Variants in PPARGC1A observed in about 807,000 individuals in gnomAD.
PPARGC1A encodes the protein PPARG coactivator 1 alpha.
Under a neutral mutation model 88.7 loss-of-function variants are expected in PPARGC1A, and 25 were observed. The observed-to-expected ratio is 0.28, with a 90% CI of 0.21 to 0.39. The LOEUF is 0.39. PPARGC1A is among the 10% of genes least tolerant of loss of function. PPARGC1A has a pLI of 1.00. For synonymous variants in PPARGC1A, 363 were observed against 355.6 expected (o/e 1.02, Z -0.24); for missense variants, 880 against 968.7 (o/e 0.91, Z 1.22).
chr4:24,272,431 TC>T, the PPARGC1A span, among the ~76,000 whole-genome samples: 1 of 152,028 alleles, frequency 6.6e-6, no homozygotes, highest in Non-Finnish European at 1.5e-5. Flanking sequence ...GCCATGAAAT[TC>T]CCAACTCCAC....
At chr4:24,077,281 T>G in the PPARGC1A span, among the ~76,000 whole-genome samples, 7 of 152,150 alleles carry the variant, frequency 4.6e-5, no homozygotes, top group Admixed American at 3.3e-4. Flanking sequence ...TCAAGGCACA[T>G]CTCGTTTAGT....
chr4:24,469,583 G>A, the PPARGC1A span, among the ~76,000 whole-genome samples: 3 of 152,130 alleles, frequency 2.0e-5, no homozygotes, highest in South Asian at 2.1e-4. Flanking sequence ...CAATTTCACT[G>A]CACTAAGAGT....
chr4:23,971,151 T>A, the PPARGC1A span, among the ~76,000 whole-genome samples: 1 of 152,190 alleles, frequency 6.6e-6, no homozygotes, highest in African/African-American at 2.4e-5. Flanking sequence ...TTCATATGTA[T>A]ATACATATAT....
chr4:23,880,244 G>C (rs1715660407), intron 2 of PPARGC1A, among the ~76,000 whole-genome samples: 1 of 152,070 alleles, frequency 6.6e-6, no homozygotes, highest in African/African-American at 2.4e-5. Context: ...GCCTTGCATG[G>C]TTTCCTAATT....
the PPARGC1A span, among the ~76,000 whole-genome samples, chr4:24,266,216 A>G: frequency 6.6e-6 from 1 of 152,292 alleles, no homozygotes; most frequent in Admixed American, 6.5e-5. Flanking sequence ...CTGGCTGGGA[A>G]TCAGAACTGC....
chr4:24,362,931 T>A, the PPARGC1A span, among the ~76,000 whole-genome samples: 1 of 152,228 alleles, frequency 6.6e-6, no homozygotes, highest in Non-Finnish European at 1.5e-5. Flanking sequence ...CTAAAACTCG[T>A]TGAAACAGAA....
chr4:23,992,370 T>C, the PPARGC1A span, among the ~76,000 whole-genome samples: 3 of 151,814 alleles, frequency 2.0e-5, no homozygotes. Flanking sequence ...TTATTACTAT[T>C]CTGTTTTTAT....
chr4:24,440,718 T>C, the PPARGC1A span, among the ~76,000 whole-genome samples: 1 of 152,002 alleles, frequency 6.6e-6, no homozygotes, highest in Non-Finnish European at 1.5e-5. Flanking sequence ...AGGAGGATAG[T>C]TTGAGCTGAG....
At chr4:24,444,977 A>C in the PPARGC1A span, among the ~76,000 whole-genome samples, 1 of 151,998 alleles carries the variant, frequency 6.6e-6, no homozygotes, top group Non-Finnish European at 1.5e-5. Flanking sequence ...TGCTAAGCCC[A>C]GGAGGTGGAG....
the PPARGC1A span, among the ~76,000 whole-genome samples, chr4:24,206,481 C>T: frequency 1.3e-5 from 2 of 152,150 alleles, no homozygotes; most frequent in African/African-American, 4.8e-5. Flanking sequence ...AGTATTGTCT[C>T]AACTGTCCTA....
chr4:24,112,808 G>A, the PPARGC1A span, among the ~76,000 whole-genome samples: 1 of 152,128 alleles, frequency 6.6e-6, no homozygotes, highest in Admixed American at 6.6e-5. Flanking sequence ...ATCAAGTGTG[G>A]CAAAAGAACG....
chr4:24,115,215 C>T, the PPARGC1A span, among the ~76,000 whole-genome samples: 1 of 152,146 alleles, frequency 6.6e-6, no homozygotes, highest in East Asian at 1.9e-4. Flanking sequence ...CATCCAATAA[C>T]ACATTAAAAC....
At chr4:24,169,955 T>C in the PPARGC1A span, among the ~76,000 whole-genome samples, 1 of 152,236 alleles carries the variant, frequency 6.6e-6, no homozygotes, top group South Asian at 2.1e-4. Flanking sequence ...ATGATTTCTA[T>C]ACACTGGTCA....
At chr4:23,813,158 T>A in intron 8 of PPARGC1A, 33 bp from the exon 9 acceptor site, 1 of 1,586,644 alleles carries the variant, frequency 6.3e-7, no homozygotes, top group Non-Finnish European at 8.7e-7. Context: ...AAAGGGCATT[T>A]GCAACTGCCA....
the PPARGC1A span, among the ~76,000 whole-genome samples, chr4:24,223,541 C>A: frequency 5.9e-5 from 9 of 152,326 alleles, no homozygotes; most frequent in African/African-American, 2.2e-4. Context: ...TAAGCCACTG[C>A]GCCTGGCCCT....
At chr4:24,148,157 C>T in the PPARGC1A span, among the ~76,000 whole-genome samples, 4 of 152,168 alleles carry the variant, frequency 2.6e-5, no homozygotes, top group South Asian at 2.1e-4. Flanking sequence ...TTTCTCCCCC[C>T]ACAAAAACAC....
At chr4:24,171,130 G>C in the PPARGC1A span, among the ~76,000 whole-genome samples, 2 of 152,014 alleles carry the variant, frequency 1.3e-5, no homozygotes, top group South Asian at 2.1e-4. Context: ...TAAGTGTCCC[G>C]GCCAGGCGCG....
At chr4:24,215,395 T>A in the PPARGC1A span, among the ~76,000 whole-genome samples, 1 of 152,204 alleles carries the variant, frequency 6.6e-6, no homozygotes, top group Non-Finnish European at 1.5e-5. Context: ...CTTATTGGCC[T>A]CATTAAATTA....
chr4:24,126,504 A>G, the PPARGC1A span, among the ~76,000 whole-genome samples: 204 of 152,238 alleles, frequency 1.3e-3, 2 homozygotes, highest in East Asian at 0.024. Context: ...GCAGGATGAG[A>G]TAGGTGCTTT....
Sources: allele counts gnomAD v4.1 joint callset (sites outside exome capture counted in the v4.1 genomes callset), GRCh38; gene constraint gnomAD v4.1.1; transcripts MANE v1.5; gene names NCBI Gene and HGNC (gene_info 2026-07-23, HGNC 2026-07-21).